CDC42BPB: variants seen among roughly 807,000 people sequenced by gnomAD.
CDC42BPB encodes CDC42 binding protein kinase beta.
CDC42BPB carries 37 observed loss-of-function variants against 214.9 expected under a neutral mutation model. The ratio of observed to expected loss-of-function variants is 0.17; its 90% CI spans 0.13 to 0.23. The LOEUF is 0.23. Ranked by LOEUF, CDC42BPB falls within the 10% of genes least tolerant of loss-of-function variation. The pLI, the probability that CDC42BPB is intolerant of heterozygous loss-of-function variation, is 1.00. For missense variants in CDC42BPB, 1,694 were observed against 2,227.0 expected, an observed-to-expected ratio of 0.76 and a Z score of 4.82; for synonymous variants, 931 against 884.0, an observed-to-expected ratio of 1.05 and a Z score of -0.94.
Position 103,015,866 on chromosome 14 carries a change from A to G in CDC42BPB, c.176-3678T>C, listed in dbSNP as rs113525114. ...CGGGATTACAGGCACGTGCCACCAC[A>G]CCCAGCTAATTTTTGTATTTTTTTT... On this transcript the variant is annotated intron_variant, in intron 1 of 36. Transcript: ENST00000361246. Among the ~76,000 whole-genome samples the G allele has an allele frequency of 5.2e-3, 765 of 148,328 alleles. 12 individuals are homozygous for G. The highest frequency in any genetic ancestry group is 0.018 in the African/African-American group (714 of 40,486).
chr14:102,974,877 C>T (rs548951439), intron 11 of CDC42BPB, among the ~76,000 whole-genome samples: 3 of 152,134 alleles, frequency 2.0e-5, no homozygotes, highest in Admixed American at 6.5e-5. Context: ...ACCCAGGAGG[C>T]GGAGCTTGCA....
chr14:103,006,501 G>A (rs1277439766), intron 3 of CDC42BPB, among the ~76,000 whole-genome samples: 1 of 152,246 alleles, frequency 6.6e-6, no homozygotes, highest in Non-Finnish European at 1.5e-5. Flanking sequence ...TTAAGGAGCA[G>A]AGAGAGAAAC....
In CDC42BPB at chr14:103,049,408, C is replaced by T. The variant is rs187262746; in HGVS notation, c.175+7591G>A. ...GTCCAACTAGCACTGACTGCTGACA[C>T]GTCAACTTCACGTGAGAGAAATCAA... On this transcript the variant is annotated intron_variant, in intron 1 of 36. Coordinates refer to ENST00000361246, the MANE Select transcript of CDC42BPB (RefSeq NM_006035.4). Among the ~76,000 whole-genome samples the T allele has an allele frequency of 4.6e-3, 700 of 152,368 alleles. 6 individuals carry two copies. Among genetic ancestry groups the T allele is most frequent in the African/African-American group, 0.016 (673 of 41,596 alleles).
intron 12 of CDC42BPB, chr14:102,972,412 C>A (rs1172887181): frequency 2.5e-6 from 2 of 784,512 alleles, no homozygotes; most frequent in Non-Finnish European, 3.1e-6. Context: ...ACAGGCCGGG[C>A]ACAGTGGCTC....
intron 5 of CDC42BPB, among the ~76,000 whole-genome samples, chr14:102,996,250 G>A (rs559826108): frequency 2.0e-5 from 3 of 152,302 alleles, no homozygotes; most frequent in Admixed American, 1.3e-4. Flanking sequence ...TGAGGCAGGA[G>A]AATGGCGTGA....
intron 1 of CDC42BPB, among the ~76,000 whole-genome samples, chr14:103,024,476 G>A (rs1886940466): frequency 6.6e-6 from 1 of 152,132 alleles, no homozygotes; most frequent in African/African-American, 2.4e-5. Flanking sequence ...AAAGTAAAAA[G>A]TTTGCAAAGC....
chr14:102,982,412 G>C (rs1894044137), intron 7 of CDC42BPB, among the ~76,000 whole-genome samples: 1 of 152,176 alleles, frequency 6.6e-6, no homozygotes, highest in Admixed American at 6.5e-5. Flanking sequence ...CATGTGCACA[G>C]GAGACAGCGG....
intron 19 of CDC42BPB, among the ~76,000 whole-genome samples, chr14:102,963,875 T>C (rs1566862059): frequency 6.6e-6 from 1 of 152,250 alleles, no homozygotes; most frequent in African/African-American, 2.4e-5. Context: ...GTAATTCTGT[T>C]AGAGACACTG....
rs1037125413 is a variant in CDC42BPB, at chr14:103,008,919, G to A, written c.268-364C>T. On this transcript the variant is annotated intron_variant, in intron 2 of 36. Coordinates refer to ENST00000361246, the MANE Select transcript of CDC42BPB (RefSeq NM_006035.4). Reference sequence around the variant, plus strand: ...GGGGCACAGTCAGCACTCAGCGCGCGGCCACCAGCCACATTCTTTAAAGAA... The same window carrying A: ...GGGGCACAGTCAGCACTCAGCGCGCAGCCACCAGCCACATTCTTTAAAGAA... 3.9e-5 allele frequency among the ~76,000 whole-genome samples: 6 copies of A among 152,156 alleles called. 1 individual carries two copies. The highest frequency in any genetic ancestry group is 3.9e-4 in the East Asian group (2 of 5,194).
chr14:102,958,379 G>A (rs1458271533), intron 21 of CDC42BPB, among the ~76,000 whole-genome samples: 1 of 152,204 alleles, frequency 6.6e-6, no homozygotes, highest in Non-Finnish European at 1.5e-5. Context: ...CCCCAGGTGA[G>A]GGACATGTAC....
chr14:103,041,222 C>T (rs74837717), intron 1 of CDC42BPB, among the ~76,000 whole-genome samples: 35 of 152,242 alleles, frequency 2.3e-4, no homozygotes, highest in African/African-American at 8.2e-4. Context: ...TGGTTATCTG[C>T]GTGCAAAAGA....
intron 27 of CDC42BPB, among the ~76,000 whole-genome samples, chr14:102,947,030 A>G (rs527385620): frequency 1.3e-5 from 2 of 152,336 alleles, no homozygotes; most frequent in East Asian, 1.9e-4. Flanking sequence ...GCAGATCTCA[A>G]AAACACTGGC....
chr14:102,988,947 G>T (rs1400106611), intron 5 of CDC42BPB, among the ~76,000 whole-genome samples: 1 of 148,478 alleles, frequency 6.7e-6, no homozygotes, highest in Non-Finnish European at 1.5e-5. Flanking sequence ...ATTCGATTAT[G>T]TACAAAAATG....
intron 27 of CDC42BPB, chr14:102,946,939 ACT>A: frequency 8.0e-6 from 6 of 754,502 alleles, no homozygotes. Context: ...TTTTGTCAAA[ACT>A]ACGAGTAGCT....
chr14:102,987,338 G>A (rs1321729902), intron 5 of CDC42BPB, among the ~76,000 whole-genome samples: 4 of 152,234 alleles, frequency 2.6e-5, no homozygotes, highest in Non-Finnish European at 4.4e-5. Context: ...GCACCTCAGA[G>A]CATGAATGCT....
At chr14:103,042,303 A>T (rs1017222322) in intron 1 of CDC42BPB, among the ~76,000 whole-genome samples, 1 of 151,752 alleles carries the variant, frequency 6.6e-6, no homozygotes, top group Non-Finnish European at 1.5e-5. Context: ...TTCAACAAAA[A>T]CACAACCCAA....
At chr14:103,015,083 C>G (rs1886383667) in intron 1 of CDC42BPB, among the ~76,000 whole-genome samples, 1 of 152,074 alleles carries the variant, frequency 6.6e-6, no homozygotes, top group Non-Finnish European at 1.5e-5. Flanking sequence ...CGGGCAGACA[C>G]AGATGATGGT....
intron 1 of CDC42BPB, among the ~76,000 whole-genome samples, chr14:103,025,645 C>T (rs1887009792): frequency 6.6e-6 from 1 of 151,858 alleles, no homozygotes; most frequent in Admixed American, 6.6e-5. Flanking sequence ...TGGTGTAACC[C>T]TGTCTCTACT....
intron 1 of CDC42BPB, among the ~76,000 whole-genome samples, chr14:103,020,437 C>G (rs1007559677): frequency 1.3e-5 from 2 of 152,260 alleles, no homozygotes; most frequent in African/African-American, 2.4e-5. Context: ...ACCTCCACAG[C>G]TGCTGGAGCG....
Sources: gnomAD v4.1 joint callset for allele counts (sites outside exome capture counted in the v4.1 genomes callset) on GRCh38, gnomAD v4.1.1 for gene constraint, MANE v1.5 for transcripts, NCBI Gene and HGNC (gene_info 2026-07-23, HGNC 2026-07-21) for gene names.